Variants in ITGAE observed in about 807,000 individuals in gnomAD.
The protein encoded by ITGAE is integrin subunit alpha E.
A neutral mutation model predicts 136.5 loss-of-function variants in ITGAE; 99 were observed. That is an observed-to-expected ratio of 0.73 (90% CI 0.62 to 0.86). ITGAE has a LOEUF of 0.86. ITGAE is among the 40% of genes least tolerant of loss of function. The pLI is 0.00. For missense variants in ITGAE, 1,447 were observed against 1,515.3 expected (o/e 0.95, Z 0.75); for synonymous variants, 613 against 591.8 (o/e 1.04, Z -0.52).
At chr17:3,749,793 G>T (rs1242184403) in intron 16 of ITGAE, among the ~76,000 whole-genome samples, 1 of 152,012 alleles carries the variant, frequency 6.6e-6, no homozygotes, top group Non-Finnish European at 1.5e-5. Flanking sequence ...CAAGATGGGT[G>T]GATCACGAGG....
At chr17:3,719,252 A>AAAAAAAAAAG in intron 29 of ITGAE, among the ~76,000 whole-genome samples, 1 of 130,304 alleles carries the variant, frequency 7.7e-6, no homozygotes, top group Non-Finnish European at 1.6e-5. Flanking sequence ...AAAAAAAAAA[A>AAAAAAAAAAG]AAAAGAAAAG....
At position 3,750,400 on chromosome 17, in the gene ITGAE, C is replaced by T. The variant is rs767998864; in HGVS notation, c.1976G>A (p.Gly659Asp). The T allele has an allele frequency of 6.8e-6, 11 of 1,614,200 alleles. No homozygotes were observed. The highest frequency in any genetic ancestry group is 8.5e-7 in the Non-Finnish European group (1 of 1,180,044). The change falls in exon 16 of 31, where the codon GGC becomes GAC. Residue 659 changes from glycine to aspartate, a missense_variant. Physicochemically the swap from Gly to Asp is moderately conservative, Grantham distance 94. Coordinates refer to ENST00000263087, the MANE Select transcript of ITGAE (RefSeq NM_002208.5). The part of the protein sequence containing the change: ...MAGGFDISGD[G>D]LADITVGTLG... ...AGTGCCCACGGTGATGTCGGCAAGG[C>T]CGTCGCCACTAATATCAAAGCCACC...
chr17:3,722,113 A>C lies in ITGAE; in HGVS notation c.3237+1175T>G, dbSNP rs537117030. Reference sequence around the variant, plus strand: ...AGAATCGCTTGAACCCGGGAGGCGGAGGTTGCAGTGAGCCGAGATCGTGCC... The same window carrying C: ...AGAATCGCTTGAACCCGGGAGGCGGCGGTTGCAGTGAGCCGAGATCGTGCC... On this transcript the variant is annotated intron_variant, in intron 28 of 30. Coordinates refer to ENST00000263087, the MANE Select transcript of ITGAE (RefSeq NM_002208.5). Among the ~76,000 whole-genome samples the C allele has an allele frequency of 2.4e-4, 37 of 151,968 alleles. No homozygotes were observed. In the East Asian group the frequency reaches 6.6e-3, roughly 27 times the overall value.
chr17:3,746,319 A>C (rs1478169443), intron 17 of ITGAE, among the ~76,000 whole-genome samples: 2 of 152,186 alleles, frequency 1.3e-5, no homozygotes, highest in African/African-American at 4.8e-5. Flanking sequence ...AGCACCGTGG[A>C]GATCCCGGGG....
chr17:3,729,508 A>C lies in ITGAE; in HGVS notation c.2882T>G (p.Phe961Cys). ...CAGAACTGCAACGAAGCCATGCCTG[A>C]ATTGAAGGGTGTGGGTCTCGTTGGC... ...SLANETHTLQ[F>C]RHGFVAVLSK... The change falls in exon 24 of 31, where the codon TTC (phenylalanine) becomes TGC (cysteine). Residue 961 changes from phenylalanine to cysteine, a missense_variant. Physicochemically the swap from Phe to Cys is radical, Grantham distance 205. Transcript: ENST00000263087. 1 of 1,612,296 alleles carries C rather than the reference A, an allele frequency of 6.2e-7. No homozygotes were observed. Among genetic ancestry groups the C allele is most frequent in the Non-Finnish European group, 8.5e-7 (1 of 1,178,326 alleles).
At chr17:3,754,968 C>T in intron 12 of ITGAE, 149 bp downstream of exon 12, 1 of 1,018,400 alleles carries the variant, frequency 9.8e-7, no homozygotes, top group East Asian at 3.0e-5. Context: ...CAGGCCCCGC[C>T]CTCACCCAGG....
chr17:3,755,161 G>C lies in ITGAE; in HGVS notation c.1340C>G (p.Ala447Gly), dbSNP rs765369247. 7.7e-6 allele frequency: 12 copies of C among 1,556,200 alleles called. No individual in the cohort carries two copies. Among genetic ancestry groups the C allele is most frequent in the Non-Finnish European group, 9.5e-6 (11 of 1,152,794 alleles). ...SRRGRFLNQT[A>G]AAAADAEAAQ... ...AGCCTCCGCGTCTGCCGCCGCCGCC[G>C]CTGTCTGGTTCAGGAAGCGGCCCCG... Residue 447 changes from alanine (A) to glycine (G), a missense_variant, in exon 12 of 31, where the codon GCG becomes GGG. This residue lies in a region of ITGAE where 1,031 missense variants were observed against 1,011.4 expected (regional missense o/e 1.02). Transcript: ENST00000263087.
intron 26 of ITGAE, chr17:3,725,971 G>A: frequency 6.2e-7 from 1 of 1,613,846 alleles, no homozygotes; most frequent in Non-Finnish European, 8.5e-7. Context: ...ATCCCCAGCT[G>A]TGGGTTGCAA....
In ITGAE at chr17:3,761,186, AC is replaced by A; in HGVS notation, c.434-10del. On this transcript the variant is annotated splice_polypyrimidine_tract_variant and intron_variant, in intron 5 of 30. Transcript: ENST00000263087. ...TGGATCCAGGAGATTTTCTTTAAAA[AC>A]ACACATGGAAGAGCTCAGAGTCAGA... 1 of 1,364,666 alleles carries A rather than the reference AC, an allele frequency of 7.3e-7. No homozygotes were observed. The highest frequency in any genetic ancestry group is 1.2e-5 in the South Asian group (1 of 84,992). 84.5% of individuals were successfully genotyped at this position (1,364,666 alleles called of 1,614,324 possible).
Position 3,745,740 on chromosome 17 carries a change from T to C in ITGAE, c.2319+24A>G, listed in dbSNP as rs767752031. ...CTCAATGACAAAGACCCCTCCTGACTCCCATCCAAACTCCGTCACTTACCT... is the reference window on the plus strand; with the variant it reads ...CTCAATGACAAAGACCCCTCCTGACCCCCATCCAAACTCCGTCACTTACCT... On this transcript the variant is annotated intron_variant, in intron 18 of 30. Transcript: ENST00000263087. 6 of 1,611,398 alleles carry C rather than the reference T, an allele frequency of 3.7e-6. No individual in the cohort carries two copies. In the Admixed American group the frequency reaches 1.0e-4, roughly 27 times the overall value.
rs1205363201 is a variant in ITGAE, at chr17:3,761,524, T to C, written c.316-4A>G. 6.2e-7 allele frequency: 1 copy of C among 1,609,174 alleles called. No homozygotes were observed. The highest frequency in any genetic ancestry group is 8.5e-7 in the Non-Finnish European group (1 of 1,177,828). On this transcript the variant is annotated splice_polypyrimidine_tract_variant and splice_region_variant and intron_variant, in intron 4 of 30. Coordinates refer to ENST00000263087, the MANE Select transcript of ITGAE (RefSeq NM_002208.5). ...GGACCAGCACTTGAATGCATATCTG[T>C]GGGAGGGAAGAGAGGGTGGGGAAAC...
At chr17:3,731,466 C>T (rs566435494) in intron 22 of ITGAE, among the ~76,000 whole-genome samples, 2 of 151,590 alleles carry the variant, frequency 1.3e-5, no homozygotes, top group Non-Finnish European at 2.9e-5. Context: ...CTCAGCCTCC[C>T]AAGTAGCTGG....
chr17:3,739,608 G>T lies in ITGAE; in HGVS notation c.2522+197C>A, dbSNP rs375525068. Among the ~76,000 whole-genome samples the T allele has an allele frequency of 1.1e-4, 16 of 152,266 alleles. 1 individual carries two copies. Among genetic ancestry groups the T allele is most frequent in the African/African-American group, 3.8e-4 (16 of 41,570 alleles). On this transcript the variant is annotated intron_variant, in intron 20 of 30. Coordinates refer to ENST00000263087, the MANE Select transcript of ITGAE (RefSeq NM_002208.5). ...GCGACTGAGTCTGCTTCCTAATCTA[G>T]AAAGTGGGAAGACAGATCTCTGTCT...
chr17:3,773,363 C>A (rs144474296), intron 2 of ITGAE, among the ~76,000 whole-genome samples: 1 of 151,998 alleles, frequency 6.6e-6, no homozygotes, highest in Non-Finnish European at 1.5e-5. Flanking sequence ...TGGTGGCAGG[C>A]GCCTGTAATC....
Position 3,753,340 on chromosome 17 carries a change from G to C in ITGAE, c.1618C>G (p.His540Asp). 1 of 1,614,136 alleles carries C rather than the reference G, an allele frequency of 6.2e-7. No homozygotes were observed. Among genetic ancestry groups the C allele is most frequent in the Non-Finnish European group, 8.5e-7 (1 of 1,180,016 alleles). Residue 540 changes from histidine to aspartate, a missense_variant, in exon 14 of 31, where the codon CAC (histidine) becomes GAC (aspartate). Transcript: ENST00000263087. ...ACTCTGCCTTCTTCTCCATGAACGT[G>C]GTAAAATGGAGCAGCCACCAGCAAG... ...DFLLVAAPFY[H>D]VHGEEGRVYV...
At chr17:3,753,579 G>C (rs1441380884) in intron 13 of ITGAE, 149 bp from the exon 14 acceptor site, 3 of 1,146,104 alleles carry the variant, frequency 2.6e-6, no homozygotes, top group South Asian at 3.0e-5. Context: ...GAGTGGAGGA[G>C]CAGCCCAGGC....
intron 19 of ITGAE, among the ~76,000 whole-genome samples, chr17:3,740,121 C>G (rs1337665940): frequency 6.6e-6 from 1 of 152,212 alleles, no homozygotes; most frequent in African/African-American, 2.4e-5. Context: ...GTCCTTTGAC[C>G]AAGGTAAAAA....
intron 29 of ITGAE, chr17:3,717,284 A>G (rs2050961677): frequency 6.5e-6 from 1 of 154,446 alleles, no homozygotes; most frequent in African/African-American, 2.4e-5. Flanking sequence ...TTGGTAATAC[A>G]CTTTCCCCAC....
intron 9 of ITGAE, 25 bp downstream of exon 9, chr17:3,757,681 G>T: frequency 6.2e-7 from 1 of 1,611,658 alleles, no homozygotes. Context: ...GGTTCAGGAG[G>T]TGTCTCCCGG....
Sources: gnomAD v4.1 joint callset for allele counts (sites outside exome capture counted in the v4.1 genomes callset) on GRCh38, gnomAD v4.1.1 for gene constraint, gnomAD v4.1.1 regional missense constraint, MANE v1.5 for transcripts, NCBI Gene and HGNC (gene_info 2026-07-23, HGNC 2026-07-21) for gene names.